The following COG5 variants were observed in gnomAD, a reference collection of about 807,000 sequenced individuals.
The protein encoded by COG5 is conserved oligomeric Golgi complex subunit 5.
Under a neutral mutation model 110.4 loss-of-function variants are expected in COG5, and 86 were observed. The observed-to-expected ratio is 0.78, with a 90% CI of 0.65 to 0.93. COG5 has a LOEUF of 0.93. Among genes scored for constraint, COG5 ranks in the 40% least tolerant of loss-of-function variants. The pLI is 0.00. For missense variants in COG5, 1,077 were observed against 987.0 expected, an observed-to-expected ratio of 1.09 and a Z score of -1.22; for synonymous variants, 360 against 334.6, an observed-to-expected ratio of 1.08 and a Z score of -0.83.
chr7:107,453,675 T>A (rs1226181548), intron 6 of COG5, among the ~76,000 whole-genome samples: 1 of 152,170 alleles, frequency 6.6e-6, no homozygotes, highest in East Asian at 1.9e-4. Flanking sequence ...ATCTGAAATA[T>A]CTTCATTACA....
intron 7 of COG5, among the ~76,000 whole-genome samples, chr7:107,373,601 T>C (rs1352199221): frequency 6.6e-6 from 1 of 152,036 alleles, no homozygotes; most frequent in Non-Finnish European, 1.5e-5. Flanking sequence ...AAGGCCATGA[T>C]GGAGCAGAGT....
chr7:107,463,953 T>C (rs146868773), intron 6 of COG5, among the ~76,000 whole-genome samples: 139 of 152,174 alleles, frequency 9.1e-4, no homozygotes, highest in African/African-American at 3.2e-3. Context: ...CCTACTGTGC[T>C]TTTTTCCCAC....
chr7:107,347,250 T>A (rs1400020657), intron 10 of COG5, among the ~76,000 whole-genome samples: 1 of 152,204 alleles, frequency 6.6e-6, no homozygotes, highest in Non-Finnish European at 1.5e-5. Context: ...ACTGTTATAC[T>A]TTGGGTTGTG....
At chr7:107,412,659 C>A (rs1319694948) in intron 6 of COG5, 27 bp from the exon 7 acceptor site, 4 of 1,288,216 alleles carry the variant, frequency 3.1e-6, no homozygotes, top group East Asian at 2.4e-5. Flanking sequence ...CATACACATT[C>A]AAATATTTCA....
At chr7:107,458,149 A>G (rs1366858368) in intron 6 of COG5, among the ~76,000 whole-genome samples, 1 of 152,228 alleles carries the variant, frequency 6.6e-6, no homozygotes, top group Non-Finnish European at 1.5e-5. Context: ...ATTGAGTGAA[A>G]GTCAAAAATG....
At chr7:107,227,504 T>C (rs1409091947) in intron 19 of COG5, among the ~76,000 whole-genome samples, 1 of 152,226 alleles carries the variant, frequency 6.6e-6, no homozygotes, top group Non-Finnish European at 1.5e-5. Flanking sequence ...CTTTAAATGT[T>C]CCTTTAGAGA....
chr7:107,208,079 G>GT (rs1282619664), intron 21 of COG5: 1 of 985,282 alleles, frequency 1.0e-6, no homozygotes, highest in Non-Finnish European at 1.2e-6. Flanking sequence ...GAACAAAATT[G>GT]TTTTGCAATA....
rs1798384268 is a variant in COG5, at chr7:107,497,955, G to C, written c.538+29282C>G. On this transcript the variant is annotated intron_variant, in intron 6 of 21. Transcript: ENST00000297135. ...AAAAGAAAGACAAACTGATGCAATA[G>C]AGTAGAGAGCCCAGAAATAAATTCA... 2.0e-5 allele frequency among the ~76,000 whole-genome samples: 3 copies of C among 151,976 alleles called. No homozygotes were observed. The South Asian group carries it at 6.2e-4, about 31-fold the overall frequency.
intron 1 of COG5, among the ~76,000 whole-genome samples, chr7:107,559,093 G>C (rs1431442863): frequency 6.6e-6 from 1 of 152,040 alleles, no homozygotes; most frequent in South Asian, 2.1e-4. Context: ...ATAGCAAAGT[G>C]AATCTGGAAT....
At chr7:107,509,273 G>A (rs184011515) in intron 6 of COG5, among the ~76,000 whole-genome samples, 18 of 152,248 alleles carry the variant, frequency 1.2e-4, no homozygotes, top group Admixed American at 2.6e-4. Context: ...GAGCTGATGC[G>A]ATCAACTGGA....
At chr7:107,509,849 T>G (rs1799361691) in intron 6 of COG5, among the ~76,000 whole-genome samples, 1 of 148,306 alleles carries the variant, frequency 6.7e-6, no homozygotes, top group African/African-American at 2.6e-5. Context: ...AAGCAAATGC[T>G]GAGAGATTTT....
At chr7:107,245,690 AACACTGCTCAAAGAAATCAGAGAAGAC>A (rs1175865537) in intron 17 of COG5, among the ~76,000 whole-genome samples, 2 of 152,184 alleles carry the variant, frequency 1.3e-5, no homozygotes, top group African/African-American at 4.8e-5. Flanking sequence ...AGAACTACAA[AACACTGCTCAAAGAAATCAGAGAAGAC>A]ACAAACAAAT....
intron 3 of COG5, among the ~76,000 whole-genome samples, chr7:107,550,637 A>G (rs1015132996): frequency 1.3e-5 from 2 of 152,140 alleles, no homozygotes; most frequent in Non-Finnish European, 2.9e-5. Context: ...TCTTCTCAAA[A>G]AGGCCTTCCC....
chr7:107,219,277 G>A (rs1042795027), intron 19 of COG5, among the ~76,000 whole-genome samples: 1 of 152,138 alleles, frequency 6.6e-6, no homozygotes, highest in Non-Finnish European at 1.5e-5. Flanking sequence ...AAAACTGTAT[G>A]GCAGTTCCTC....
At chr7:107,499,286 G>C (rs920782396) in intron 6 of COG5, among the ~76,000 whole-genome samples, 1 of 152,116 alleles carries the variant, frequency 6.6e-6, no homozygotes, top group Admixed American at 6.5e-5. Flanking sequence ...TGTTAAGAGG[G>C]TAGATCTCAT....
chr7:107,507,177 T>C (rs117714350), intron 6 of COG5, among the ~76,000 whole-genome samples: 3,471 of 152,322 alleles, frequency 0.023, 54 homozygotes, highest in Middle Eastern at 0.051. Flanking sequence ...TTACAGTTTT[T>C]CACCTGGCTC....
rs770759361 is a variant in COG5, at chr7:107,332,904, CAAAAAACAA to C, written c.1027-8392_1027-8384del. ...AAACCAAGACGGGATGATGTGGAATCAAAAAACAAAAGTGAAAACTAAGCCTGAAAAAGA... is the reference window on the plus strand; with the variant it reads ...AAACCAAGACGGGATGATGTGGAATCAAGTGAAAACTAAGCCTGAAAAAGA... On this transcript the variant is annotated intron_variant, in intron 10 of 21. Transcript: ENST00000297135. 2.6e-4 allele frequency among the ~76,000 whole-genome samples: 39 copies of C among 152,122 alleles called. 1 individual carries two copies. The Middle Eastern group carries it at 0.01, about 40-fold the overall frequency.
At chr7:107,552,071 A>G (rs1281393073) in intron 3 of COG5, among the ~76,000 whole-genome samples, 1 of 152,234 alleles carries the variant, frequency 6.6e-6, no homozygotes, top group Admixed American at 6.5e-5. Context: ...ATCTTTGAAC[A>G]TCATTCTGGG....
At chr7:107,273,547 T>C (rs1804451199) in intron 14 of COG5, among the ~76,000 whole-genome samples, 1 of 152,196 alleles carries the variant, frequency 6.6e-6, no homozygotes, top group Admixed American at 6.5e-5. Flanking sequence ...GTGTTAGGAC[T>C]TCCAATCCCA....
Sources: allele counts gnomAD v4.1 joint callset (sites outside exome capture counted in the v4.1 genomes callset), GRCh38; gene constraint gnomAD v4.1.1; transcripts MANE v1.5; gene names NCBI Gene and HGNC (gene_info 2026-07-23, HGNC 2026-07-21).